Variants in MACROD2 observed in about 807,000 individuals in gnomAD.
MACROD2 encodes the protein ADP-ribose glycohydrolase MACROD2.
In MACROD2, 36 loss-of-function variants were observed where a neutral mutation model predicts 70.4. That is an observed-to-expected ratio of 0.51 (90% confidence interval 0.39 to 0.68). The LOEUF (loss-of-function observed/expected upper bound fraction) is 0.68. Among genes scored for constraint, MACROD2 ranks in the 30% least tolerant of loss-of-function variants. The pLI is 0.00. For missense variants in MACROD2, 496 were observed against 538.4 expected (o/e 0.92, Z 0.78); for synonymous variants, 172 against 178.8 (o/e 0.96, Z 0.30).
intron 5 of MACROD2, among the ~76,000 whole-genome samples, chr20:15,178,331 C>T (rs913408753): frequency 1.7e-4 from 26 of 152,218 alleles, no homozygotes; most frequent in African/African-American, 6.3e-4. Flanking sequence ...TTAGTAGTGG[C>T]TACCACTCTG....
At chr20:15,808,025 T>C (rs1011621790) in intron 8 of MACROD2, among the ~76,000 whole-genome samples, 19 of 152,214 alleles carry the variant, frequency 1.2e-4, no homozygotes, top group African/African-American at 4.6e-4. Context: ...TGTTCTGTTC[T>C]AATTACCGGT....
intron 4 of MACROD2, among the ~76,000 whole-genome samples, chr20:14,609,850 C>A (rs978229468): frequency 6.6e-5 from 10 of 152,202 alleles, no homozygotes; most frequent in African/African-American, 2.2e-4. Flanking sequence ...CCATTTTCTA[C>A]AATGGAGAGA....
chr20:14,509,474 A>G (rs1166718215), intron 4 of MACROD2, among the ~76,000 whole-genome samples: 1 of 152,108 alleles, frequency 6.6e-6, no homozygotes, highest in African/African-American at 2.4e-5. Context: ...ATATATTTCC[A>G]TAAAAGAATA....
At chr20:15,921,221 C>T (rs1168501354) in intron 10 of MACROD2, among the ~76,000 whole-genome samples, 2 of 152,166 alleles carry the variant, frequency 1.3e-5, no homozygotes, top group African/African-American at 4.8e-5. Flanking sequence ...CCACTCCATT[C>T]GTTGTCTGCT....
intron 8 of MACROD2, among the ~76,000 whole-genome samples, chr20:15,771,085 T>C (rs922925114): frequency 3.9e-5 from 6 of 152,260 alleles, no homozygotes; most frequent in African/African-American, 1.4e-4. Context: ...CTTCAGAAAC[T>C]GACAGGAATG....
In MACROD2 at chr20:14,816,896, G is replaced by A. The variant is rs2072780261; in HGVS notation, c.418+131937G>A. On this transcript the variant is annotated intron_variant, in intron 5 of 17. Coordinates refer to ENST00000684519, the MANE Select transcript of MACROD2 (RefSeq NM_001351661.2). ...AAAAAAAAATAAATAATTGCAAAAT[G>A]TAAAGTGAAAGATACAAGAGTAGCT... Among the ~76,000 whole-genome samples, 2 of 151,946 alleles carry A rather than the reference G, an allele frequency of 1.3e-5. 1 individual carries two copies. The highest frequency in any genetic ancestry group is 1.3e-4 in the Admixed American group (2 of 15,236).
intron 5 of MACROD2, among the ~76,000 whole-genome samples, chr20:14,919,414 T>A (rs890861613): frequency 6.6e-6 from 1 of 152,262 alleles, no homozygotes; most frequent in African/African-American, 2.4e-5. Context: ...CAGCAATTGC[T>A]GATTATGAAA....
chr20:14,904,613 T>C (rs1307703199), intron 5 of MACROD2, among the ~76,000 whole-genome samples: 3 of 152,176 alleles, frequency 2.0e-5, no homozygotes, highest in Non-Finnish European at 4.4e-5. Flanking sequence ...TCATGGACTT[T>C]GGAATCATCT....
At chr20:15,211,655 C>T (rs192551128) in intron 5 of MACROD2, among the ~76,000 whole-genome samples, 57 of 152,252 alleles carry the variant, frequency 3.7e-4, no homozygotes, top group African/African-American at 1.3e-3. Flanking sequence ...TCCCCTTTGC[C>T]TTCCACCATG....
chr20:14,777,692 T>C (rs953251869), intron 5 of MACROD2, among the ~76,000 whole-genome samples: 1 of 151,886 alleles, frequency 6.6e-6, no homozygotes, highest in Non-Finnish European at 1.5e-5. Flanking sequence ...GACCCAGGCA[T>C]GAAATTTAGT....
intron 6 of MACROD2, among the ~76,000 whole-genome samples, chr20:15,247,273 A>T (rs966845689): frequency 4.6e-5 from 7 of 152,166 alleles, no homozygotes; most frequent in Non-Finnish European, 1.0e-4. Flanking sequence ...TAGAAGTGGA[A>T]AGTTCTATAG....
chr20:14,066,368 A>G (rs1331422806), intron 2 of MACROD2, among the ~76,000 whole-genome samples: 2 of 152,190 alleles, frequency 1.3e-5, no homozygotes, highest in African/African-American at 2.4e-5. Flanking sequence ...TAGTCAATAT[A>G]TTAGCTTTGG....
Position 15,518,256 on chromosome 20 carries a change from A to G in MACROD2, c.645+18409A>G, listed in dbSNP as rs115199937. ...TCAGATTCATGCAGAGTTCCTGAAA[A>G]GGTGAGAAATCACTGAGATCTGTAA... On this transcript the variant is annotated intron_variant, in intron 8 of 17. Transcript: ENST00000684519. Among the ~76,000 whole-genome samples, 851 of 152,356 alleles carry G rather than the reference A, an allele frequency of 5.6e-3. 7 individuals are homozygous for G. Among genetic ancestry groups the G allele is most frequent in the African/African-American group, 0.02 (818 of 41,596 alleles).
chr20:14,049,530 C>T (rs376644043), intron 2 of MACROD2, among the ~76,000 whole-genome samples: 28 of 150,090 alleles, frequency 1.9e-4, no homozygotes, highest in African/African-American at 6.4e-4. Flanking sequence ...CACCTGAGGT[C>T]AGGAGTTCAA....
chr20:15,971,456 A>G (rs980800799), intron 13 of MACROD2, among the ~76,000 whole-genome samples: 2 of 152,166 alleles, frequency 1.3e-5, no homozygotes, highest in Non-Finnish European at 2.9e-5. Context: ...ACCATGTAAG[A>G]CATGCGGTTG....
intron 6 of MACROD2, among the ~76,000 whole-genome samples, chr20:15,245,674 A>G (rs1392622048): frequency 6.6e-6 from 1 of 152,212 alleles, no homozygotes; most frequent in Non-Finnish European, 1.5e-5. Flanking sequence ...AATAAATTAC[A>G]TGATATATTT....
chr20:14,231,454 A>G (rs1973966846), intron 3 of MACROD2, among the ~76,000 whole-genome samples: 1 of 152,122 alleles, frequency 6.6e-6, no homozygotes, highest in African/African-American at 2.4e-5. Flanking sequence ...CCATGTCCCC[A>G]CAAAGGACAT....
chr20:14,314,353 C>T (rs922940013), intron 3 of MACROD2, among the ~76,000 whole-genome samples: 4 of 152,124 alleles, frequency 2.6e-5, no homozygotes, highest in Non-Finnish European at 2.9e-5. Flanking sequence ...AATAGAAATG[C>T]AAACAAAGTC....
intron 8 of MACROD2, among the ~76,000 whole-genome samples, chr20:15,804,774 T>A (rs1175393288): frequency 6.6e-6 from 1 of 152,126 alleles, no homozygotes; most frequent in Non-Finnish European, 1.5e-5. Flanking sequence ...TGCAAATACC[T>A]GTGACTCTTT....
Sources: allele counts gnomAD v4.1 joint callset (sites outside exome capture counted in the v4.1 genomes callset), GRCh38; gene constraint gnomAD v4.1.1; transcripts MANE v1.5; gene names NCBI Gene and HGNC (gene_info 2026-07-23, HGNC 2026-07-21).